The following SBF2 variants were observed in gnomAD, a reference collection of about 807,000 sequenced individuals.
The protein encoded by SBF2 is myotubularin-related protein 13.
Under a neutral mutation model 225.2 loss-of-function variants are expected in SBF2, and 112 were observed. The ratio of observed to expected loss-of-function variants is 0.50; its 90% CI spans 0.43 to 0.58. The LOEUF (loss-of-function observed/expected upper bound fraction) is 0.58. Ranked by LOEUF, SBF2 falls within the 20% of genes least tolerant of loss-of-function variation. The probability of loss-of-function intolerance (pLI) is 0.00; values close to 1 mark genes in which losing one functional copy is unlikely to be tolerated. For synonymous variants in SBF2, 763 were observed against 773.3 expected (o/e 0.99, Z 0.22); for missense variants, 1,996 against 2,206.2 (o/e 0.90, Z 1.91).
chr11:9,888,666 G>A (rs1860539468), intron 17 of SBF2, among the ~76,000 whole-genome samples: 1 of 152,042 alleles, frequency 6.6e-6, no homozygotes, highest in Non-Finnish European at 1.5e-5. Context: ...AGAAATTAGA[G>A]GGCAGGAGTG....
intron 3 of SBF2, among the ~76,000 whole-genome samples, chr11:10,033,663 AACACACACAC>A (rs66939707): frequency 6.7e-6 from 1 of 149,674 alleles, no homozygotes; most frequent in Non-Finnish European, 1.5e-5. Flanking sequence ...GCTGTGATTA[AACACACACAC>A]ACACACACAC....
chr11:9,845,368 G>A (rs568175088), intron 24 of SBF2, among the ~76,000 whole-genome samples, 197 bp downstream of exon 24: 16 of 152,302 alleles, frequency 1.1e-4, no homozygotes, highest in African/African-American at 3.8e-4. Context: ...GCCTCTGGTA[G>A]CTTTTAGTTT....
At chr11:9,824,522 C>T (rs1854955743) in intron 28 of SBF2, among the ~76,000 whole-genome samples, 1 of 148,398 alleles carries the variant, frequency 6.7e-6, no homozygotes, top group Admixed American at 6.7e-5. Flanking sequence ...AAGATCGCTC[C>T]ACTGCACTCC....
chr11:10,248,602 T>C (rs547694446), intron 1 of SBF2, among the ~76,000 whole-genome samples: 175 of 152,344 alleles, frequency 1.1e-3, no homozygotes, highest in African/African-American at 3.9e-3. Context: ...CAGTGTAATG[T>C]ATATTTGAAA....
intron 38 of SBF2, chr11:9,783,228 T>G (rs546462231): frequency 3.8e-4 from 58 of 152,318 alleles, no homozygotes; most frequent in African/African-American, 1.4e-3. Flanking sequence ...TTTCAGAGTA[T>G]AGCTCCCTAA....
At chr11:9,880,084 T>TAAA (rs58140393) in intron 17 of SBF2, among the ~76,000 whole-genome samples, 11,607 of 51,848 alleles carry the variant, frequency 0.22, 2,278 homozygotes, top group African/African-American at 0.34. Context: ...CTCTGTCTCA[T>TAAA]AAAAAAAAAA....
intron 25 of SBF2, among the ~76,000 whole-genome samples, chr11:9,840,159 G>A (rs1056150738): frequency 6.6e-6 from 1 of 151,900 alleles, no homozygotes; most frequent in Non-Finnish European, 1.5e-5. Context: ...ACTTGAACCC[G>A]GGAGGTGGAG....
chr11:9,887,879 C>T (rs1713558588), intron 17 of SBF2, among the ~76,000 whole-genome samples: 1 of 151,418 alleles, frequency 6.6e-6, no homozygotes, highest in Admixed American at 6.6e-5. Context: ...ATCCAGATCA[C>T]GAAGTCTGAA....
chr11:9,845,464 T>C (rs1856473396), intron 24 of SBF2, 101 bp downstream of exon 24: 1 of 1,081,620 alleles, frequency 9.2e-7, no homozygotes, highest in South Asian at 1.3e-5. Context: ...GAACAGTGAA[T>C]GAAAACAGCA....
chr11:9,881,903 C>T (rs576318020), intron 17 of SBF2, among the ~76,000 whole-genome samples: 2 of 152,062 alleles, frequency 1.3e-5, no homozygotes, highest in African/African-American at 4.8e-5. Flanking sequence ...TAGCAGGATC[C>T]CTTGAGACCA....
At chr11:9,780,830 G>T in intron 39 of SBF2, 1 of 381,306 alleles carries the variant, frequency 2.6e-6, no homozygotes, top group South Asian at 2.2e-5. Flanking sequence ...CCTTTCCCAT[G>T]CACTGCACCA....
At chr11:9,813,783 A>C (rs543165902) in intron 29 of SBF2, among the ~76,000 whole-genome samples, 21 of 152,240 alleles carry the variant, frequency 1.4e-4, no homozygotes, top group Admixed American at 4.6e-4. Context: ...CTCTACTAAA[A>C]ATACAAAAAG....
chr11:9,853,555 G>A lies in SBF2; in HGVS notation c.2521C>T (p.His841Tyr). 6.2e-7 allele frequency: 1 copy of A among 1,613,866 alleles called. No homozygotes were observed. The highest frequency in any genetic ancestry group is 8.5e-7 in the Non-Finnish European group (1 of 1,179,820). ...GAGTGATTACCTGGTATCATGCAATGAAGGCTCTTGATGTGATCCTGAGTA... is the reference window on the plus strand; with the variant it reads ...GAGTGATTACCTGGTATCATGCAATAAAGGCTCTTGATGTGATCCTGAGTA... ...GVTQDHIKSL[H>Y]CMIPGIVAMH... Residue 841 changes from histidine (H) to tyrosine (Y), a missense_variant, in exon 20 of 40, where the codon CAT becomes TAT. His to Tyr is a moderately conservative substitution (Grantham distance 83). Coordinates refer to ENST00000256190, the MANE Select transcript of SBF2 (RefSeq NM_030962.4).
chr11:10,045,933 G>A lies in SBF2; in HGVS notation c.142-2952C>T, dbSNP rs186427967. Among the ~76,000 whole-genome samples, 9 of 151,520 alleles carry A rather than the reference G, an allele frequency of 5.9e-5. No homozygotes were observed. In the East Asian group the frequency reaches 1.7e-3, roughly 29 times the overall value. On this transcript the variant is annotated intron_variant, in intron 2 of 39. Transcript: ENST00000256190. ...CTGTATCTGTGGGTTCTACATCTGT[G>A]GATTCAACCAACCACGGATCAAAAA...
intron 32 of SBF2, among the ~76,000 whole-genome samples, chr11:9,799,579 CAGAT>C (rs1432739953): frequency 1.3e-5 from 2 of 152,164 alleles, no homozygotes; most frequent in African/African-American, 4.8e-5. Context: ...AAAGAAAAGT[CAGAT>C]AGACCTCAAG....
chr11:10,082,893 A>ATG (rs1590917898), intron 2 of SBF2, among the ~76,000 whole-genome samples: 2 of 152,220 alleles, frequency 1.3e-5, no homozygotes, highest in East Asian at 3.8e-4. Context: ...CAGAGCAACC[A>ATG]GGCAAGAGAA....
chr11:10,254,939 A>AAAAAAAAAAAAAAAAAAAAAAAAAAAAT (rs1960737355), intron 1 of SBF2, among the ~76,000 whole-genome samples: 1 of 113,920 alleles, frequency 8.8e-6, no homozygotes, highest in African/African-American at 3.2e-5. Context: ...AAAAAAAAAA[A>AAAAAAAAAAAAAAAAAAAAAAAAAAAAT]TCCTATTATT....
intron 33 of SBF2, among the ~76,000 whole-genome samples, chr11:9,792,517 G>T (rs1852816072): frequency 6.6e-6 from 1 of 152,134 alleles, no homozygotes; most frequent in Non-Finnish European, 1.5e-5. Flanking sequence ...GCAGATAGAG[G>T]GTAGTTACCA....
At chr11:10,155,523 T>C (rs928607702) in intron 2 of SBF2, among the ~76,000 whole-genome samples, 8 of 152,196 alleles carry the variant, frequency 5.3e-5, no homozygotes, top group Non-Finnish European at 1.0e-4. Flanking sequence ...ATAATATTTA[T>C]GTTTATAGTC....
Sources: allele counts gnomAD v4.1 joint callset (sites outside exome capture counted in the v4.1 genomes callset), GRCh38; gene constraint gnomAD v4.1.1; transcripts MANE v1.5; gene names NCBI Gene and HGNC (gene_info 2026-07-23, HGNC 2026-07-21).